PSMD14: variants seen among roughly 807,000 people sequenced by gnomAD.
The protein encoded by PSMD14 is proteasome 26S subunit, non-ATPase 14, also known as ubiquitin C-terminal hydrolase PSMD14.
PSMD14 carries 7 observed loss-of-function variants against 41.2 expected under a neutral mutation model. The observed-to-expected ratio is 0.17, with a 90% confidence interval of 0.10 to 0.32. The LOEUF (loss-of-function observed/expected upper bound fraction) is 0.32, where lower values mean the gene tolerates loss of function less well. Ranked by LOEUF, PSMD14 falls within the 10% of genes least tolerant of loss-of-function variation. The pLI is 1.00. For synonymous variants in PSMD14, 114 were observed against 122.3 expected, an observed-to-expected ratio of 0.93 and a Z score of 0.45; for missense variants, 139 against 375.6, an observed-to-expected ratio of 0.37 and a Z score of 5.21.
At chr2:161,339,496 A>ATTT (rs202216505) in intron 3 of PSMD14, among the ~76,000 whole-genome samples, 13 of 105,558 alleles carry the variant, frequency 1.2e-4, no homozygotes, top group African/African-American at 3.4e-4. Context: ...TTGTTAATGA[A>ATTT]TTTTTTTTTT....
chr2:161,375,672 G>T (rs1683493188), intron 7 of PSMD14, among the ~76,000 whole-genome samples: 1 of 151,822 alleles, frequency 6.6e-6, no homozygotes, highest in South Asian at 2.1e-4. Flanking sequence ...GTTTTAATTT[G>T]TTTAAACAAC....
At chr2:161,338,088 A>C (rs1682894081) in intron 3 of PSMD14, among the ~76,000 whole-genome samples, 1 of 152,230 alleles carries the variant, frequency 6.6e-6, no homozygotes, top group Non-Finnish European at 1.5e-5. Context: ...GTACTCAATA[A>C]GTAATTTAAC....
chr2:161,363,105 G>A (rs900210001), intron 3 of PSMD14, among the ~76,000 whole-genome samples: 5 of 152,192 alleles, frequency 3.3e-5, no homozygotes, highest in South Asian at 2.1e-4. Flanking sequence ...GATCAGTGGC[G>A]GCATTATATT....
chr2:161,350,610 A>G (rs775976561), intron 3 of PSMD14, among the ~76,000 whole-genome samples: 3 of 152,238 alleles, frequency 2.0e-5, no homozygotes, highest in Non-Finnish European at 2.9e-5. Flanking sequence ...TTGATTAATC[A>G]AAGTAGCAGG....
rs1366706308 is a variant in PSMD14, at chr2:161,316,566, C to A, written c.-8C>A. ...ACACCTTAAGAGTTGTAGTTACTGA[C>A]CAGGTAAGGTTTAAAAATGTATTTT... On this transcript the variant is annotated 5_prime_UTR_variant, in exon 2 of 12. Transcript: ENST00000409682. 2 of 152,022 alleles carry A rather than the reference C, an allele frequency of 1.3e-5. No homozygotes were observed. The highest frequency in any genetic ancestry group is 6.6e-5 in the Admixed American group (1 of 15,256). The allele number at this position is 152,022 out of a possible 1,614,324, so 9.4% of individuals were successfully genotyped here.
chr2:161,319,160 C>T, intron 3 of PSMD14: 1 of 290,414 alleles, frequency 3.4e-6, no homozygotes, highest in Non-Finnish European at 6.4e-6. Context: ...AAAAAAAAAC[C>T]CTCAAAATAG....
chr2:161,336,130 A>C (rs933619130), intron 3 of PSMD14, among the ~76,000 whole-genome samples: 6 of 17,488 alleles, frequency 3.4e-4, no homozygotes, highest in African/African-American at 1.1e-3. Context: ...CCTTTTATTC[A>C]TTTGGTCTCC....
chr2:161,331,794 G>A (rs1682794551), intron 3 of PSMD14, among the ~76,000 whole-genome samples: 1 of 152,186 alleles, frequency 6.6e-6, no homozygotes, highest in Non-Finnish European at 1.5e-5. Flanking sequence ...GAGCAGAGGA[G>A]AGCCAAAAGG....
intron 3 of PSMD14, among the ~76,000 whole-genome samples, chr2:161,330,845 G>A (rs944910618): frequency 6.6e-6 from 1 of 152,114 alleles, no homozygotes; most frequent in Non-Finnish European, 1.5e-5. Context: ...TATGATAGTT[G>A]TACTTTTCTC....
chr2:161,313,262 C>A (rs993260304), intron 1 of PSMD14, among the ~76,000 whole-genome samples: 2 of 151,884 alleles, frequency 1.3e-5, no homozygotes, highest in African/African-American at 4.8e-5. Flanking sequence ...GTCCAGTAGA[C>A]CATAAAAGGA....
intron 11 of PSMD14, among the ~76,000 whole-genome samples, chr2:161,410,698 T>G (rs1238776894): frequency 1.3e-5 from 2 of 152,074 alleles, no homozygotes; most frequent in Non-Finnish European, 2.9e-5. Context: ...CATGAAACAT[T>G]CTTAACATTT....
At chr2:161,361,342 A>G (rs1333453533) in intron 3 of PSMD14, among the ~76,000 whole-genome samples, 2 of 152,226 alleles carry the variant, frequency 1.3e-5, no homozygotes, top group African/African-American at 4.8e-5. Context: ...GTCTCAAGAT[A>G]TAGATAACCT....
chr2:161,358,295 G>T (rs564751432), intron 3 of PSMD14, among the ~76,000 whole-genome samples: 1 of 152,178 alleles, frequency 6.6e-6, no homozygotes, highest in East Asian at 1.9e-4. Context: ...TGATCACTTA[G>T]TCCATTTTAG....
chr2:161,406,992 C>T (rs1574144957), intron 10 of PSMD14, among the ~76,000 whole-genome samples: 1 of 152,084 alleles, frequency 6.6e-6, no homozygotes, highest in Admixed American at 6.6e-5. Flanking sequence ...TCCCTAATAA[C>T]TGTTTTGTAC....
chr2:161,332,805 T>C (rs1245452024), intron 3 of PSMD14, among the ~76,000 whole-genome samples: 1 of 152,232 alleles, frequency 6.6e-6, no homozygotes, highest in Non-Finnish European at 1.5e-5. Flanking sequence ...GTGCTGGGAT[T>C]ACACCAGAGT....
Position 161,356,470 on chromosome 2 carries a change from A to G in PSMD14, c.49-11008A>G, listed in dbSNP as rs191319369. On this transcript the variant is annotated intron_variant, in intron 3 of 11. Transcript: ENST00000409682. ...GGGAATTTTTAATTGAGGAAACTGA[A>G]TGTAGTGGTTTCATCAGAATTTTTG... Among the ~76,000 whole-genome samples the G allele has an allele frequency of 1.6e-4, 24 of 152,238 alleles. No homozygotes were observed. The East Asian group carries it at 3.7e-3, about 23-fold the overall frequency.
intron 3 of PSMD14, among the ~76,000 whole-genome samples, chr2:161,347,661 TTAAAA>T (rs1276606750): frequency 2.0e-5 from 3 of 152,228 alleles, no homozygotes; most frequent in Admixed American, 2.0e-4. Context: ...TTATGGATAC[TTAAAA>T]TTGAATATGT....
At chr2:161,405,896 G>A (rs1683941103) in intron 10 of PSMD14, among the ~76,000 whole-genome samples, 1 of 152,066 alleles carries the variant, frequency 6.6e-6, no homozygotes, top group Admixed American at 6.6e-5. Flanking sequence ...AGTATGATGT[G>A]GAATAAGAGA....
chr2:161,314,267 T>C (rs577446381), intron 1 of PSMD14, among the ~76,000 whole-genome samples: 3 of 152,300 alleles, frequency 2.0e-5, no homozygotes, highest in Non-Finnish European at 4.4e-5. Flanking sequence ...AGAAAACAGG[T>C]TATTGCAAAA....
Sources: allele counts gnomAD v4.1 joint callset (sites outside exome capture counted in the v4.1 genomes callset), GRCh38; gene constraint gnomAD v4.1.1; transcripts MANE v1.5; gene names NCBI Gene and HGNC (gene_info 2026-07-23, HGNC 2026-07-21).